Variants in MAF observed in about 807,000 individuals in gnomAD.
MAF encodes transcription factor Maf.
Under a neutral mutation model 22.0 loss-of-function variants are expected in MAF, and 10 were observed. The ratio of observed to expected loss-of-function variants is 0.45; its 90% confidence interval spans 0.28 to 0.77. The LOEUF (loss-of-function observed/expected upper bound fraction) is 0.77, where lower values mean the gene tolerates loss of function less well. Ranked by LOEUF, MAF falls within the 30% of genes least tolerant of loss-of-function variation. The pLI is 0.12. For missense variants in MAF, 544 were observed against 548.4 expected, an observed-to-expected ratio of 0.99 and a Z score of 0.08; for synonymous variants, 337 against 255.8, an observed-to-expected ratio of 1.32 and a Z score of -3.03.
chr16:79,403,918 T>C, the MAF span, among the ~76,000 whole-genome samples: 7 of 152,126 alleles, frequency 4.6e-5, no homozygotes, highest in Admixed American at 2.0e-4. Context: ...CTTCCTTCCA[T>C]GGTGCTTCTC....
At chr16:79,370,081 C>T in the MAF span, among the ~76,000 whole-genome samples, 1 of 152,130 alleles carries the variant, frequency 6.6e-6, no homozygotes, top group Non-Finnish European at 1.5e-5. Context: ...ACTGGGTCAA[C>T]CTGAGTAGGC....
the MAF span, chr16:79,206,258 G>A: frequency 6.6e-6 from 1 of 152,290 alleles, no homozygotes; most frequent in Non-Finnish European, 1.5e-5. Context: ...AGCAGGCAGA[G>A]AGGCATAGGA....
the MAF span, among the ~76,000 whole-genome samples, chr16:79,224,926 G>C: frequency 6.6e-6 from 1 of 152,150 alleles, no homozygotes; most frequent in East Asian, 1.9e-4. Flanking sequence ...TTGTGAAAAT[G>C]GCCATACTGC....
the MAF span, among the ~76,000 whole-genome samples, chr16:79,393,776 G>A: frequency 6.6e-5 from 10 of 152,274 alleles, no homozygotes; most frequent in African/African-American, 2.4e-4. Flanking sequence ...TCAGCAATTG[G>A]CAGGATCTAA....
chr16:79,439,628 T>C, the MAF span, among the ~76,000 whole-genome samples: 4 of 152,142 alleles, frequency 2.6e-5, no homozygotes, highest in South Asian at 2.1e-4. Context: ...GAATAGTATA[T>C]TGCTGCAAAA....
At chr16:79,284,603 T>C in the MAF span, among the ~76,000 whole-genome samples, 1 of 152,246 alleles carries the variant, frequency 6.6e-6, no homozygotes, top group African/African-American at 2.4e-5. Context: ...ATCCCAATGA[T>C]ATAATCATCG....
chr16:79,587,907 G>C (rs976484458), intron 1 of MAF, among the ~76,000 whole-genome samples: 1 of 149,610 alleles, frequency 6.7e-6, no homozygotes, highest in Non-Finnish European at 1.5e-5. Context: ...CACCTGAATA[G>C]CGTCCAAAAG....
chr16:79,467,878 G>A, the MAF span, among the ~76,000 whole-genome samples: 22 of 150,716 alleles, frequency 1.5e-4, 1 homozygote, highest in African/African-American at 5.4e-4. Context: ...ATGCAGGCAG[G>A]CAAACCTCCT....
the MAF span, among the ~76,000 whole-genome samples, chr16:79,394,126 A>G: frequency 7.9e-5 from 12 of 152,194 alleles, no homozygotes; most frequent in South Asian, 2.1e-4. Context: ...GTTCTCAGCA[A>G]GGAGAGCAAA....
chr16:79,420,895 A>T, the MAF span, among the ~76,000 whole-genome samples: 1 of 152,112 alleles, frequency 6.6e-6, no homozygotes, highest in Non-Finnish European at 1.5e-5. Context: ...TTATCCAGGC[A>T]TGGGGGCAGG....
chr16:79,497,909 G>T, the MAF span, among the ~76,000 whole-genome samples: 1 of 152,298 alleles, frequency 6.6e-6, no homozygotes, highest in Middle Eastern at 3.4e-3. Flanking sequence ...TATTTCACCA[G>T]TCTTCTAGCA....
chr16:79,421,204 G>C, the MAF span, among the ~76,000 whole-genome samples: 1 of 152,238 alleles, frequency 6.6e-6, no homozygotes. Flanking sequence ...GTTTGTTATT[G>C]TCCGCAGTTT....
the MAF span, among the ~76,000 whole-genome samples, chr16:79,260,721 A>G: frequency 1.1e-4 from 17 of 152,304 alleles, no homozygotes; most frequent in Non-Finnish European, 2.2e-4. Flanking sequence ...TGTTATGTGA[A>G]TAAATGTTCT....
the MAF span, among the ~76,000 whole-genome samples, chr16:79,468,595 C>T: frequency 6.6e-6 from 1 of 152,234 alleles, no homozygotes; most frequent in African/African-American, 2.4e-5. Flanking sequence ...CAAACCTGGC[C>T]TTAACCTGCT....
At chr16:79,341,966 C>G in the MAF span, among the ~76,000 whole-genome samples, 1 of 152,230 alleles carries the variant, frequency 6.6e-6, no homozygotes, top group East Asian at 1.9e-4. Context: ...ACTGCTACTG[C>G]TGCTGCTACA....
the MAF span, among the ~76,000 whole-genome samples, chr16:79,404,424 AG>A: frequency 2.0e-5 from 3 of 152,234 alleles, no homozygotes; most frequent in African/African-American, 7.2e-5. Context: ...GGCCTCCCAA[AG>A]TGCTGGAATT....
the MAF span, among the ~76,000 whole-genome samples, chr16:79,445,999 C>G: frequency 6.6e-6 from 1 of 151,924 alleles, no homozygotes; most frequent in Non-Finnish European, 1.5e-5. Context: ...AATGACCTCT[C>G]ATGAAGTGTC....
the MAF span, among the ~76,000 whole-genome samples, chr16:79,226,529 A>T: frequency 1.3e-5 from 2 of 152,242 alleles, no homozygotes; most frequent in Middle Eastern, 3.4e-3. Flanking sequence ...AGTATATAAA[A>T]AAATTTAAAA....
chr16:79,447,075 C>CA, the MAF span, among the ~76,000 whole-genome samples: 121,093 of 151,604 alleles, frequency 0.8, 49,054 homozygotes, highest in East Asian at 0.97. Context: ...CATACATGAG[C>CA]AAAATTATTT....
Sources: allele counts gnomAD v4.1 joint callset (sites outside exome capture counted in the v4.1 genomes callset), GRCh38; gene constraint gnomAD v4.1.1; transcripts MANE v1.5; gene names NCBI Gene and HGNC (gene_info 2026-07-23, HGNC 2026-07-21).